YAP1: variants seen among roughly 807,000 people sequenced by gnomAD.
YAP1 encodes the protein transcriptional coactivator YAP1.
Under a neutral mutation model 56.9 loss-of-function variants are expected in YAP1, and 5 were observed. That is an observed-to-expected ratio of 0.09 (90% CI 0.05 to 0.18). YAP1 has a LOEUF of 0.18. Among genes scored for constraint, YAP1 ranks in the 10% least tolerant of loss-of-function variants. The pLI, the probability that YAP1 is intolerant of heterozygous loss-of-function variation, is 1.00. For synonymous variants in YAP1, 265 were observed against 248.1 expected, an observed-to-expected ratio of 1.07 and a Z score of -0.64; for missense variants, 539 against 651.8, an observed-to-expected ratio of 0.83 and a Z score of 1.88.
chr11:102,139,143 C>G (rs1415388636), intron 2 of YAP1, among the ~76,000 whole-genome samples: 1 of 149,978 alleles, frequency 6.7e-6, no homozygotes, highest in Non-Finnish European at 1.5e-5. Flanking sequence ...TGATTTTAAA[C>G]AGTGAATCAG....
At chr11:102,228,400 C>A (rs534135249) in intron 8 of YAP1, among the ~76,000 whole-genome samples, 1 of 151,634 alleles carries the variant, frequency 6.6e-6, no homozygotes. Flanking sequence ...TTTGGGAGGC[C>A]GAGGTAGCCA....
intron 3 of YAP1, among the ~76,000 whole-genome samples, chr11:102,178,097 C>T (rs967145204): frequency 1.3e-5 from 2 of 152,058 alleles, no homozygotes; most frequent in East Asian, 3.9e-4. Context: ...GTACCTCCAT[C>T]GTAGGGTTGT....
At chr11:102,140,957 G>A (rs989387030) in intron 2 of YAP1, among the ~76,000 whole-genome samples, 4 of 152,138 alleles carry the variant, frequency 2.6e-5, no homozygotes, top group African/African-American at 9.7e-5. Context: ...TTCTAGTTCT[G>A]TTACATAAAT....
intron 3 of YAP1, among the ~76,000 whole-genome samples, chr11:102,184,076 CAAAAAAAAA>C (rs1226783169): frequency 2.1e-5 from 1 of 47,184 alleles, no homozygotes; most frequent in Non-Finnish European, 4.4e-5. Context: ...GACTCCGTCT[CAAAAAAAAA>C]AAAAAAAAAA....
intron 2 of YAP1, among the ~76,000 whole-genome samples, chr11:102,140,944 A>G (rs765888814): frequency 7.9e-5 from 12 of 152,040 alleles, no homozygotes; most frequent in Non-Finnish European, 1.3e-4. Context: ...ACTGAGAGAA[A>G]TTTTCTAGTT....
chr11:102,160,018 A>ATT (rs34332940), intron 2 of YAP1, among the ~76,000 whole-genome samples: 3,364 of 108,888 alleles, frequency 0.031, 117 homozygotes, highest in African/African-American at 0.057. Context: ...TACATAAAGG[A>ATT]TTTTTTTTTT....
At chr11:102,157,331 A>G (rs1338946574) in intron 2 of YAP1, among the ~76,000 whole-genome samples, 1 of 152,224 alleles carries the variant, frequency 6.6e-6, no homozygotes, top group Non-Finnish European at 1.5e-5. Flanking sequence ...TGGAAGGATT[A>G]GATTGAACAA....
intron 3 of YAP1, among the ~76,000 whole-genome samples, chr11:102,182,472 CAT>C (rs1199749371): frequency 1.3e-5 from 2 of 152,126 alleles, no homozygotes; most frequent in South Asian, 4.1e-4. Context: ...TTTCAGAAAA[CAT>C]ATCACTTTTT....
At chr11:102,228,373 AC>A (rs1950296383) in intron 8 of YAP1, among the ~76,000 whole-genome samples, 1 of 151,630 alleles carries the variant, frequency 6.6e-6, no homozygotes. Context: ...GGTGGCTTAA[AC>A]CTGTAATCCC....
intron 2 of YAP1, among the ~76,000 whole-genome samples, chr11:102,148,834 G>C (rs934929819): frequency 1.3e-5 from 2 of 151,984 alleles, no homozygotes; most frequent in African/African-American, 4.8e-5. Context: ...AAAGCCAAAA[G>C]AACAAATAAA....
chr11:102,158,146 G>A (rs1293119872), intron 2 of YAP1, among the ~76,000 whole-genome samples: 1 of 152,116 alleles, frequency 6.6e-6, no homozygotes, highest in Non-Finnish European at 1.5e-5. Context: ...GGTTTTACAA[G>A]TTTTTTAGTT....
Position 102,223,767 on chromosome 11 carries a change from C to A in YAP1, c.1163+15C>A. 1 of 1,613,536 alleles carries A rather than the reference C, an allele frequency of 6.2e-7. No homozygotes were observed. Among genetic ancestry groups the A allele is most frequent in the Non-Finnish European group, 8.5e-7 (1 of 1,179,754 alleles). On this transcript the variant is annotated intron_variant, in intron 7 of 8. Transcript: ENST00000282441. ...TTCCTTAACAGGTTGGTGAAAGTTG[C>A]TACTGGTGAATATCTGAAAAGGATC...
At chr11:102,212,768 A>G (rs1475183521) in intron 6 of YAP1, among the ~76,000 whole-genome samples, 1 of 152,052 alleles carries the variant, frequency 6.6e-6, no homozygotes, top group Non-Finnish European at 1.5e-5. Context: ...TTTGGTAGAG[A>G]CAGGGTTTCT....
intron 3 of YAP1, among the ~76,000 whole-genome samples, chr11:102,171,890 T>TA (rs953467560): frequency 6.6e-6 from 1 of 152,082 alleles, no homozygotes; most frequent in South Asian, 2.1e-4. Flanking sequence ...TATATTACCA[T>TA]AAAAAATGTT....
chr11:102,115,369 A>G (rs966757138), intron 2 of YAP1, among the ~76,000 whole-genome samples: 6 of 152,202 alleles, frequency 3.9e-5, no homozygotes, highest in Non-Finnish European at 2.9e-5. Flanking sequence ...TCCTAAGGCA[A>G]ATGTAACATT....
intron 1 of YAP1, among the ~76,000 whole-genome samples, chr11:102,113,501 C>A (rs1490550189): frequency 6.6e-6 from 1 of 152,158 alleles, no homozygotes; most frequent in African/African-American, 2.4e-5. Flanking sequence ...GGACTGATAA[C>A]ATCTTTATCT....
Position 102,188,198 on chromosome 11 carries a change from G to C in YAP1, c.802+2067G>C, listed in dbSNP as rs532203466. Among the ~76,000 whole-genome samples the C allele has an allele frequency of 6.0e-4, 91 of 152,166 alleles. 1 individual carries two copies. Among genetic ancestry groups the C allele is most frequent in the African/African-American group, 2.0e-3 (83 of 41,512 alleles). On this transcript the variant is annotated intron_variant, in intron 4 of 8. Coordinates refer to ENST00000282441, the MANE Select transcript of YAP1 (RefSeq NM_001130145.3). ...ACTATCCCCTTGTTTCTGACCCTTTGGGCCATACAAACACAAACAAATGGT... is the reference window on the plus strand; with the variant it reads ...ACTATCCCCTTGTTTCTGACCCTTTCGGCCATACAAACACAAACAAATGGT...
intron 7 of YAP1, among the ~76,000 whole-genome samples, chr11:102,224,651 G>A (rs1477575226): frequency 6.7e-6 from 1 of 149,432 alleles, no homozygotes; most frequent in Non-Finnish European, 1.5e-5. Flanking sequence ...AGTATTTAGT[G>A]CAATAGAATT....
intron 4 of YAP1, among the ~76,000 whole-genome samples, chr11:102,187,469 G>A (rs1223237491): frequency 6.6e-6 from 1 of 152,178 alleles, no homozygotes; most frequent in East Asian, 1.9e-4. Flanking sequence ...GTAAGATAGA[G>A]AATTTAATAA....
Sources: allele counts gnomAD v4.1 joint callset (sites outside exome capture counted in the v4.1 genomes callset), GRCh38; gene constraint gnomAD v4.1.1; transcripts MANE v1.5; gene names NCBI Gene and HGNC (gene_info 2026-07-23, HGNC 2026-07-21).